BLK: variants seen among roughly 807,000 people sequenced by gnomAD.
The protein encoded by BLK is tyrosine-protein kinase Blk.
A neutral mutation model predicts 61.8 loss-of-function variants in BLK; 64 were observed. The ratio of observed to expected loss-of-function variants is 1.03; its 90% CI spans 0.85 to 1.27. BLK has a LOEUF of 1.27. Ranked by LOEUF, BLK falls within the 50% of genes most tolerant of loss-of-function variation. The pLI is 0.00. For synonymous variants in BLK, 351 were observed against 272.0 expected (o/e 1.29, Z -2.86); for missense variants, 853 against 660.5 (o/e 1.29, Z -3.19).
chr8:11,522,419 A>T (rs1374539085), intron 1 of BLK, among the ~76,000 whole-genome samples: 1 of 152,228 alleles, frequency 6.6e-6, no homozygotes, highest in African/African-American at 2.4e-5. Context: ...GTGGGATGAT[A>T]AATGGGTTCG....
chr8:11,517,383 G>A (rs568818845), intron 1 of BLK, among the ~76,000 whole-genome samples: 1 of 152,332 alleles, frequency 6.6e-6, no homozygotes, highest in South Asian at 2.1e-4. Flanking sequence ...GCCATTTTAA[G>A]TCTGAGACAT....
rs1171820579 is a variant in BLK at position 11,556,732 on chromosome 8, G to C, written c.847G>C (p.Gly283Arg). The change falls in exon 9 of 13, where the codon GGT (glycine) becomes CGT (arginine). Residue 283 changes from glycine to arginine, a missense_variant. Gly to Arg is a moderately radical substitution (Grantham distance 125, BLOSUM62 -2). Coordinates refer to ENST00000259089, the MANE Select transcript of BLK (RefSeq NM_001715.3). The part of the protein sequence containing the change: ...EGTMSPEAFL[G>R]EANVMKALQH... The stretch of plus-strand genomic sequence containing the variant: ...AACCATGTCTCCAGAAGCCTTTCTG[G>C]GTGAGGCCAACGTGATGAAGGCTCT... 3.1e-6 allele frequency: 5 copies of C among 1,614,200 alleles called. No homozygotes were observed. Among genetic ancestry groups the C allele is most frequent in the Non-Finnish European group, 4.2e-6 (5 of 1,180,044 alleles).
chr8:11,533,217 A>G (rs1799962723), intron 1 of BLK, among the ~76,000 whole-genome samples: 1 of 152,202 alleles, frequency 6.6e-6, no homozygotes, highest in Admixed American at 6.5e-5. Context: ...CAACCCAAGC[A>G]TGTTAAAGGC....
intron 1 of BLK, among the ~76,000 whole-genome samples, chr8:11,542,496 T>C (rs1448647864): frequency 6.6e-6 from 1 of 152,196 alleles, no homozygotes; most frequent in East Asian, 1.9e-4. Context: ...TGTTTGACCC[T>C]GAGCAAACTC....
chr8:11,519,521 A>C (rs1301865595), intron 1 of BLK, among the ~76,000 whole-genome samples: 2 of 152,240 alleles, frequency 1.3e-5, no homozygotes, highest in African/African-American at 4.8e-5. Flanking sequence ...AATGACATTA[A>C]AAAGGTTTAT....
chr8:11,557,673 T>C (rs1801298039), intron 9 of BLK, among the ~76,000 whole-genome samples: 1 of 152,146 alleles, frequency 6.6e-6, no homozygotes, highest in African/African-American at 2.4e-5. Context: ...GGGGTCCCAC[T>C]CCCAGCTCCC....
At position 11,548,848 on chromosome 8, in the gene BLK, G is replaced by A. The variant is rs6999912; in HGVS notation, c.270-176G>A. On this transcript the variant is annotated intron_variant, in intron 4 of 12. Transcript: ENST00000259089. The stretch of plus-strand genomic sequence containing the variant: ...AAGCTCTTCCCCCTAGAACTTGCCC[G>A]GATAGCCACTGTACCACTGAGCAGT... 0.34 allele frequency among the ~76,000 whole-genome samples: 51,310 copies of A among 152,056 alleles called. 9,137 individuals are homozygous for A. The highest frequency in any genetic ancestry group is 0.41 in the Middle Eastern group (122 of 294).
chr8:11,507,843 G>A (rs1028666637), intron 1 of BLK, among the ~76,000 whole-genome samples: 12 of 152,146 alleles, frequency 7.9e-5, no homozygotes, highest in Non-Finnish European at 1.6e-4. Context: ...TTTTCTCCCC[G>A]AGCCAGCATT....
intron 8 of BLK, chr8:11,555,747 C>T (rs1801183543): frequency 5.4e-6 from 3 of 557,938 alleles, no homozygotes; most frequent in African/African-American, 3.7e-5. Context: ...CTCCTTCGTT[C>T]TCTGCCTGAA....
chr8:11,525,295 G>C (rs1009511021), intron 1 of BLK, among the ~76,000 whole-genome samples: 1 of 152,226 alleles, frequency 6.6e-6, no homozygotes, highest in African/African-American at 2.4e-5. Context: ...AAATCCTTCA[G>C]AGGTACTTAA....
chr8:11,497,779 C>G (rs1159518505), intron 1 of BLK, among the ~76,000 whole-genome samples: 1 of 152,294 alleles, frequency 6.6e-6, no homozygotes. Context: ...TTGACAGGAC[C>G]CTTGGAAGAA....
chr8:11,543,544 G>A (rs982796142), intron 2 of BLK, among the ~76,000 whole-genome samples, 197 bp downstream of exon 2: 4 of 152,186 alleles, frequency 2.6e-5, no homozygotes, highest in Non-Finnish European at 4.4e-5. Context: ...CTTAGCCAGA[G>A]CTCATTTCTC....
intron 1 of BLK, among the ~76,000 whole-genome samples, chr8:11,505,234 T>C (rs567047951): frequency 2.0e-5 from 3 of 152,368 alleles, no homozygotes; most frequent in East Asian, 3.9e-4. Context: ...ACCTCATCTA[T>C]TTTGTAGAAA....
chr8:11,510,350 A>C (rs757336620), intron 1 of BLK, among the ~76,000 whole-genome samples: 3 of 152,174 alleles, frequency 2.0e-5, no homozygotes, highest in African/African-American at 7.2e-5. Flanking sequence ...GCCAGAGAGC[A>C]GACTTTCCTC....
intron 1 of BLK, among the ~76,000 whole-genome samples, chr8:11,512,316 G>T (rs1243244345): frequency 6.6e-6 from 1 of 152,160 alleles, no homozygotes; most frequent in Non-Finnish European, 1.5e-5. Context: ...CTCTTTTCCA[G>T]AACTTGTTAT....
chr8:11,552,807 C>G (rs1405717370), intron 6 of BLK: 1 of 152,276 alleles, frequency 6.6e-6, no homozygotes, highest in African/African-American at 2.4e-5. Context: ...TCCATGTCCA[C>G]CCCAGGAAGC....
At position 11,563,941 on chromosome 8, in the gene BLK, G is replaced by C; in HGVS notation, c.1351G>C (p.Gly451Arg). The part of the protein sequence containing the change: ...NPEVIRNLER[G>R]YRMPRPDTCP... The stretch of plus-strand genomic sequence containing the variant: ...CGAGGTCATCCGCAACCTGGAGCGC[G>C]GCTACCGCATGCCGCGCCCCGACAC... The change falls in exon 13 of 13, where the codon GGC (glycine) becomes CGC (arginine). Residue 451 changes from glycine (G) to arginine (R), a missense_variant. Coordinates refer to ENST00000259089, the MANE Select transcript of BLK (RefSeq NM_001715.3). 6.2e-7 allele frequency: 1 copy of C among 1,608,048 alleles called. No individual in the cohort carries two copies. The highest frequency in any genetic ancestry group is 1.1e-5 in the South Asian group (1 of 91,014).
rs113712344 is a variant in BLK, at chr8:11,562,476, G to C, written c.1181-503G>C. 9.1e-3 allele frequency among the ~76,000 whole-genome samples: 1,381 copies of C among 152,282 alleles called. 21 individuals carry two copies. Among genetic ancestry groups the C allele is most frequent in the African/African-American group, 0.029 (1,218 of 41,556 alleles). ...TGAGGTCTGCTCCAAATGCTGGCCGGGGCTGCAGCCATTGAGGTGCTTCAC... is the reference window on the plus strand; with the variant it reads ...TGAGGTCTGCTCCAAATGCTGGCCGCGGCTGCAGCCATTGAGGTGCTTCAC... On this transcript the variant is annotated intron_variant, in intron 11 of 12. Transcript: ENST00000259089.
At chr8:11,511,101 A>T (rs1206803059) in intron 1 of BLK, among the ~76,000 whole-genome samples, 1 of 152,220 alleles carries the variant, frequency 6.6e-6, no homozygotes, top group African/African-American at 2.4e-5. Context: ...TACCAAACTG[A>T]AATGTTACTA....
Sources: allele counts gnomAD v4.1 joint callset (sites outside exome capture counted in the v4.1 genomes callset), GRCh38; gene constraint gnomAD v4.1.1; transcripts MANE v1.5; gene names NCBI Gene and HGNC (gene_info 2026-07-23, HGNC 2026-07-21).